Variants in ULK4 observed in about 807,000 individuals in gnomAD.
ULK4 encodes inactive serine/threonine-protein kinase ULK4.
ULK4 carries 133 observed loss-of-function variants against 160.6 expected under a neutral mutation model. The observed-to-expected ratio is 0.83, with a 90% confidence interval of 0.72 to 0.96. The LOEUF (loss-of-function observed/expected upper bound fraction) is 0.96. ULK4 is among the 40% of genes least tolerant of loss of function. The pLI is 0.00. For missense variants in ULK4, 1,580 were observed against 1,499.5 expected (o/e 1.05, Z -0.89); for synonymous variants, 534 against 539.8 (o/e 0.99, Z 0.15).
At chr3:41,562,454 G>A (rs1168839431) in intron 32 of ULK4, among the ~76,000 whole-genome samples, 6 of 152,130 alleles carry the variant, frequency 3.9e-5, no homozygotes, top group African/African-American at 4.8e-5. Context: ...TAGTATTGAC[G>A]GTAGAGTGTT....
At chr3:41,646,830 C>G (rs925175800) in intron 30 of ULK4, among the ~76,000 whole-genome samples, 3 of 152,208 alleles carry the variant, frequency 2.0e-5, no homozygotes, top group Admixed American at 6.5e-5. Flanking sequence ...TCAGGTACAC[C>G]AATCAGATAC....
intron 21 of ULK4, among the ~76,000 whole-genome samples, chr3:41,779,977 GAGTAT>G (rs2039767993): frequency 2.7e-5 from 2 of 74,684 alleles, no homozygotes; most frequent in African/African-American, 1.4e-4. Flanking sequence ...CTAAAACTTA[GAGTAT>G]AATAAAAAAA....
At chr3:41,881,604 T>C (rs1233276254) in intron 17 of ULK4, among the ~76,000 whole-genome samples, 5 of 152,328 alleles carry the variant, frequency 3.3e-5, no homozygotes, top group African/African-American at 9.6e-5. Flanking sequence ...TTCAAGTTAT[T>C]ATACAAGCTC....
At chr3:41,350,827 G>C (rs185136516) in intron 35 of ULK4, among the ~76,000 whole-genome samples, 2 of 152,170 alleles carry the variant, frequency 1.3e-5, no homozygotes, top group African/African-American at 4.8e-5. Context: ...AATTAACAAG[G>C]CTTTGTCCTT....
chr3:41,346,135 G>T lies in ULK4; in HGVS notation c.3678+51944C>A, dbSNP rs544163453. On this transcript the variant is annotated intron_variant, in intron 35 of 36. Coordinates refer to ENST00000301831, the MANE Select transcript of ULK4 (RefSeq NM_017886.4). ...ACACTCAAGACTCCCGGCTTCATCT[G>T]AGGGCAGGAGGAACCCGCTGGCTGG... 5.5e-4 allele frequency among the ~76,000 whole-genome samples: 84 copies of T among 152,268 alleles called. 1 individual carries two copies. Among genetic ancestry groups the T allele is most frequent in the Admixed American group, 1.6e-3 (24 of 15,298 alleles).
At chr3:41,448,639 T>A (rs12054176) in intron 34 of ULK4, among the ~76,000 whole-genome samples, 2 of 152,008 alleles carry the variant, frequency 1.3e-5, no homozygotes, top group African/African-American at 4.8e-5. Flanking sequence ...GCTCCTGTGG[T>A]CCTGTAAGGG....
intron 17 of ULK4, among the ~76,000 whole-genome samples, chr3:41,882,753 T>C (rs537163043): frequency 3.0e-4 from 45 of 152,336 alleles, no homozygotes; most frequent in African/African-American, 1.0e-3. Context: ...CTTGGCACTT[T>C]GTCTTGGACT....
chr3:41,427,981 GTC>G (rs1482745562), intron 34 of ULK4, among the ~76,000 whole-genome samples: 1 of 152,180 alleles, frequency 6.6e-6, no homozygotes, highest in African/African-American at 2.4e-5. Context: ...AAGTCAAACT[GTC>G]TCTGTTTACA....
At chr3:41,537,663 C>A (rs1288970969) in intron 32 of ULK4, among the ~76,000 whole-genome samples, 4 of 152,274 alleles carry the variant, frequency 2.6e-5, no homozygotes, top group South Asian at 2.1e-4. Flanking sequence ...AAGATACTTA[C>A]TAATTCCAGA....
intron 30 of ULK4, among the ~76,000 whole-genome samples, chr3:41,638,508 G>T (rs1016924981): frequency 6.6e-6 from 1 of 152,152 alleles, no homozygotes; most frequent in Non-Finnish European, 1.5e-5. Flanking sequence ...TGACTTCACC[G>T]CCTGGGTTTT....
At chr3:41,901,122 T>C (rs1575914785) in intron 12 of ULK4, among the ~76,000 whole-genome samples, 1 of 151,398 alleles carries the variant, frequency 6.6e-6, no homozygotes, top group East Asian at 1.9e-4. Flanking sequence ...TACAATTCAA[T>C]GTTCTAAACT....
intron 21 of ULK4, among the ~76,000 whole-genome samples, chr3:41,783,341 A>C (rs2039910757): frequency 6.6e-6 from 1 of 152,096 alleles, no homozygotes; most frequent in Non-Finnish European, 1.5e-5. Context: ...GTTCGAGACC[A>C]GTCTGGTCAA....
intron 27 of ULK4, among the ~76,000 whole-genome samples, chr3:41,704,647 G>A (rs530932917): frequency 6.6e-6 from 1 of 152,090 alleles, no homozygotes; most frequent in Non-Finnish European, 1.5e-5. Context: ...ACGGAGTGGG[G>A]CTACCAGCAT....
intron 32 of ULK4, among the ~76,000 whole-genome samples, chr3:41,509,739 A>G (rs2085506432): frequency 2.0e-5 from 3 of 152,228 alleles, no homozygotes; most frequent in African/African-American, 7.2e-5. Flanking sequence ...TTCATAAATG[A>G]AGGAAAGACA....
chr3:41,248,136 G>A (rs1309336194), intron 36 of ULK4, among the ~76,000 whole-genome samples: 1 of 152,166 alleles, frequency 6.6e-6, no homozygotes, highest in Non-Finnish European at 1.5e-5. Context: ...CTACTATGAG[G>A]AGACCCATAG....
intron 29 of ULK4, among the ~76,000 whole-genome samples, chr3:41,676,906 AC>A (rs1298150120): frequency 5.2e-5 from 6 of 114,418 alleles, no homozygotes; most frequent in Admixed American, 9.5e-5. Flanking sequence ...CCCACCCCCA[AC>A]CTTTTTTTTT....
In ULK4 at chr3:41,826,767, A is replaced by G. The variant is rs922096209; in HGVS notation, c.1765-7261T>C. Among the ~76,000 whole-genome samples, 35 of 149,058 alleles carry G rather than the reference A, an allele frequency of 2.3e-4. 3 individuals are homozygous for G. The highest frequency in any genetic ancestry group is 3.0e-5 in the Non-Finnish European group (2 of 67,780). ...CAGATCAACGAGACAGAAAGTTAACAAGGATATCCAGGAATTGAACACAGC... is the reference window on the plus strand; with the variant it reads ...CAGATCAACGAGACAGAAAGTTAACGAGGATATCCAGGAATTGAACACAGC... On this transcript the variant is annotated intron_variant, in intron 18 of 36. Coordinates refer to ENST00000301831, the MANE Select transcript of ULK4 (RefSeq NM_017886.4).
intron 34 of ULK4, among the ~76,000 whole-genome samples, chr3:41,403,775 C>T (rs766584173): frequency 5.9e-5 from 9 of 152,158 alleles, no homozygotes; most frequent in Non-Finnish European, 8.8e-5. Flanking sequence ...CTGTAGCCTA[C>T]GTATTTTGAT....
chr3:41,479,095 T>C (rs2084231177), intron 32 of ULK4, among the ~76,000 whole-genome samples: 1 of 152,202 alleles, frequency 6.6e-6, no homozygotes, highest in African/African-American at 2.4e-5. Flanking sequence ...GCTTTATCAA[T>C]TCAATTCCAA....
Sources: allele counts gnomAD v4.1 joint callset (sites outside exome capture counted in the v4.1 genomes callset), GRCh38; gene constraint gnomAD v4.1.1; transcripts MANE v1.5; gene names NCBI Gene and HGNC (gene_info 2026-07-23, HGNC 2026-07-21).